Variants in DNAJC18 observed in about 807,000 individuals in gnomAD.
DNAJC18 encodes dnaJ homolog subfamily C member 18.
DNAJC18 carries 40 observed loss-of-function variants against 48.6 expected under a neutral mutation model. The ratio of observed to expected loss-of-function variants is 0.82; its 90% CI spans 0.64 to 1.07. The LOEUF is 1.07. DNAJC18 is among the 50% of genes least tolerant of loss of function. The probability of loss-of-function intolerance (pLI) is 0.00; values close to 1 mark genes in which losing one functional copy is unlikely to be tolerated. For missense variants in DNAJC18, 340 were observed against 427.7 expected (o/e 0.79, Z 1.81); for synonymous variants, 135 against 152.2 (o/e 0.89, Z 0.83).
At chr5:139,426,081 A>G in intron 4 of DNAJC18, 91 bp downstream of exon 4, 1 of 1,370,272 alleles carries the variant, frequency 7.3e-7, no homozygotes, top group South Asian at 1.4e-5. Context: ...CCATCATACC[A>G]TTGTACCTCT....
At chr5:139,430,790 C>T (rs941034153) in intron 2 of DNAJC18, among the ~76,000 whole-genome samples, 6 of 151,920 alleles carry the variant, frequency 3.9e-5, no homozygotes, top group Non-Finnish European at 7.4e-5. Context: ...AGGCTGGTCT[C>T]GAACTCTTGA....
At position 139,420,212 on chromosome 5, in the gene DNAJC18, T is replaced by G. The variant is rs753134149; in HGVS notation, c.793A>C (p.Thr265Pro). ...AGGTTCTGAGTTTCTCTAGAAATGG[T>G]GTAGCCCAAGGTCCTGAAACAAGGA... The part of the protein sequence containing the change: ...SLFYKSTLGY[T>P]ISRETQNLQV... The change falls in exon 7 of 8, where the codon ACC becomes CCC. Residue 265 changes from threonine to proline, a missense_variant. Thr to Pro is a conservative substitution (Grantham distance 38). Transcript: ENST00000302060. 6.2e-7 allele frequency: 1 copy of G among 1,610,614 alleles called. No individual in the cohort carries two copies. The highest frequency in any genetic ancestry group is 1.7e-5 in the Admixed American group (1 of 59,082).
At chr5:139,427,538 A>G (rs1210125582) in intron 3 of DNAJC18, among the ~76,000 whole-genome samples, 1 of 152,336 alleles carries the variant, frequency 6.6e-6, no homozygotes, top group South Asian at 2.1e-4. Context: ...ACATATGTAC[A>G]TATGTATTGT....
chr5:139,414,124 GCC>G lies in DNAJC18; in HGVS notation c.*22_*23del. 1 of 1,603,566 alleles carries G rather than the reference GCC, an allele frequency of 6.2e-7. No homozygotes were observed. Among genetic ancestry groups the G allele is most frequent in the Non-Finnish European group, 8.5e-7 (1 of 1,176,956 alleles). On this transcript the variant is annotated 3_prime_UTR_variant, in exon 8 of 8. Transcript: ENST00000302060. ...AATAGGAACAAGTAGCAAAACCCCAGCCCTGCGTAGGACCATTATCCTCTCAG... is the reference window on the plus strand; with the variant it reads ...AATAGGAACAAGTAGCAAAACCCCAGCTGCGTAGGACCATTATCCTCTCAG...
At chr5:139,434,457 G>A (rs1750598167) in intron 2 of DNAJC18, among the ~76,000 whole-genome samples, 3 of 152,076 alleles carry the variant, frequency 2.0e-5, no homozygotes, top group African/African-American at 2.4e-5. Context: ...CTGAGTAGCT[G>A]GGATTTTGGG....
chr5:139,432,562 G>A (rs907824166), intron 2 of DNAJC18, among the ~76,000 whole-genome samples: 2 of 152,150 alleles, frequency 1.3e-5, no homozygotes, highest in Non-Finnish European at 2.9e-5. Flanking sequence ...CAACTCCTGG[G>A]CTCAAGTAAT....
chr5:139,428,047 A>G (rs1367684252), intron 3 of DNAJC18, among the ~76,000 whole-genome samples: 2 of 152,166 alleles, frequency 1.3e-5, no homozygotes, highest in Non-Finnish European at 2.9e-5. Flanking sequence ...AGCCTCCCAA[A>G]GTGCTAGGAT....
intron 2 of DNAJC18, among the ~76,000 whole-genome samples, chr5:139,433,887 G>A (rs1469740188): frequency 6.6e-6 from 1 of 152,108 alleles, no homozygotes; most frequent in Admixed American, 6.6e-5. Flanking sequence ...TTGTGAGATG[G>A]TGATGATGAT....
At chr5:139,437,692 C>A in intron 1 of DNAJC18, 134 bp from the exon 2 acceptor site, 1 of 1,031,434 alleles carries the variant, frequency 9.7e-7, no homozygotes, top group Non-Finnish European at 1.4e-6. Flanking sequence ...AGGCGTCATG[C>A]TGACTTTTAA....
At chr5:139,426,038 T>C (rs922489266) in intron 4 of DNAJC18, 134 bp downstream of exon 4, 3 of 1,023,504 alleles carry the variant, frequency 2.9e-6, no homozygotes, top group Non-Finnish European at 4.3e-6. Context: ...TGCCTCAAAC[T>C]CCTGCTCAAC....
chr5:139,421,712 G>A lies in DNAJC18; in HGVS notation c.779+996C>T, dbSNP rs1322833979. ...AATTCCAGCTACTCAGGAGGCTGAG[G>A]CACATGAATTCCTTGAACCAGGGAT... On this transcript the variant is annotated intron_variant, in intron 6 of 7. Coordinates refer to ENST00000302060, the MANE Select transcript of DNAJC18 (RefSeq NM_152686.4). Among the ~76,000 whole-genome samples the A allele has an allele frequency of 3.3e-5, 5 of 152,018 alleles. 1 individual carries two copies.
rs1759177968 is a variant in DNAJC18 at position 139,422,913 on chromosome 5, G to C, written c.670-96C>G. ...TGCAGTGGTGCGATCTCGGCTCACT[G>C]CAAGCTCCGCCTCTCGGGTTCACGC... On this transcript the variant is annotated intron_variant, in intron 5 of 7. Transcript: ENST00000302060. 3.6e-5 allele frequency: 25 copies of C among 692,530 alleles called. 1 individual carries two copies. In the South Asian group the frequency reaches 4.5e-4, roughly 12 times the overall value. The allele number at this position is 692,530 out of a possible 1,614,324, so 42.9% of individuals were successfully genotyped here.
At position 139,413,028 on chromosome 5, in the gene DNAJC18, T is replaced by C. The variant is rs1759016203; in HGVS notation, c.*1120A>G. 7 of 397,602 alleles carry C rather than the reference T, an allele frequency of 1.8e-5. No homozygotes were observed. The highest frequency in any genetic ancestry group is 6.2e-4 in the Middle Eastern group (1 of 1,608). 24.6% of individuals were successfully genotyped at this position (397,602 alleles called of 1,614,324 possible). The stretch of plus-strand genomic sequence containing the variant: ...ACCTGGGTCATCCTCTCTGGGCCAA[T>C]GTTCTCATTCATAGAACCAGGGATA... On this transcript the variant is annotated 3_prime_UTR_variant, in exon 8 of 8. Coordinates refer to ENST00000302060, the MANE Select transcript of DNAJC18 (RefSeq NM_152686.4).
At position 139,422,794 on chromosome 5, in the gene DNAJC18, C is replaced by T. The variant is rs1759175383; in HGVS notation, c.693G>A (p.Gln231=). The change falls in exon 6 of 8, where the codon CAG becomes CAA. Residue 231 remains glutamine (Q), a synonymous_variant. Coordinates refer to ENST00000302060, the MANE Select transcript of DNAJC18 (RefSeq NM_152686.4). The part of the protein sequence containing the change: ...KPQTTYSAFI[Q]LLPVLVIVII... ...TCACAATCACAAGAACTGGAAGTAG[C>T]TGAATAAATGCAGAATATGTAGTCT... 6.2e-7 allele frequency: 1 copy of T among 1,605,648 alleles called. No individual in the cohort carries two copies. Among genetic ancestry groups the T allele is most frequent in the South Asian group, 1.1e-5 (1 of 89,396 alleles).
intron 2 of DNAJC18, among the ~76,000 whole-genome samples, chr5:139,432,786 T>A (rs1759350751): frequency 6.6e-6 from 1 of 152,202 alleles, no homozygotes; most frequent in Admixed American, 6.5e-5. Context: ...TGTTCATCTT[T>A]TCCATTCAAG....
chr5:139,421,277 G>A (rs1759148335), intron 6 of DNAJC18, among the ~76,000 whole-genome samples: 1 of 152,032 alleles, frequency 6.6e-6, no homozygotes, highest in Non-Finnish European at 1.5e-5. Context: ...GTGAAACCCA[G>A]TCTCTACTAA....
At chr5:139,432,345 A>G (rs1759342656) in intron 2 of DNAJC18, among the ~76,000 whole-genome samples, 1 of 151,626 alleles carries the variant, frequency 6.6e-6, no homozygotes. Flanking sequence ...TTGTATTTTT[A>G]GTAGAGACGG....
rs748716897 is a variant in DNAJC18, at chr5:139,414,317, T to A, written c.953-45A>T. On this transcript the variant is annotated intron_variant, in intron 7 of 7. Transcript: ENST00000302060. ...ACCAATTCATCAAGAGCTGAACTCC[T>A]TTGTTTCATTTCAATGTTTCTGGAG... 9.0e-6 allele frequency: 14 copies of A among 1,562,210 alleles called. No individual in the cohort carries two copies. The South Asian group carries it at 1.6e-4, about 17-fold the overall frequency.
At chr5:139,422,937 G>A (rs1393540258) in intron 5 of DNAJC18, 120 bp from the exon 6 acceptor site, 16 of 517,452 alleles carry the variant, frequency 3.1e-5, no homozygotes, top group Non-Finnish European at 4.8e-5. Flanking sequence ...TCGGGTTCAC[G>A]CCATTCTCCT....
Sources: allele counts gnomAD v4.1 joint callset (sites outside exome capture counted in the v4.1 genomes callset), GRCh38; gene constraint gnomAD v4.1.1; transcripts MANE v1.5; gene names NCBI Gene and HGNC (gene_info 2026-07-23, HGNC 2026-07-21).